The following NEURL3 variants were observed in gnomAD, a reference collection of about 807,000 sequenced individuals.
The protein encoded by NEURL3 is E3 ubiquitin-protein ligase NEURL3.
In NEURL3, 19 loss-of-function variants were observed where a neutral mutation model predicts 17.6. That is an observed-to-expected ratio of 1.08 (90% CI 0.75 to 1.58). The LOEUF (loss-of-function observed/expected upper bound fraction) is 1.58, where lower values mean the gene tolerates loss of function less well. Among genes scored for constraint, NEURL3 ranks in the 40% most tolerant of loss-of-function variants. The pLI is 0.00. For missense variants in NEURL3, 342 were observed against 379.6 expected (o/e 0.90, Z 0.82); for synonymous variants, 180 against 161.4 (o/e 1.11, Z -0.87).
chr2:96,499,346 G>T (rs956537983), intron 3 of NEURL3, 32 bp downstream of exon 3: 3 of 1,595,580 alleles, frequency 1.9e-6, no homozygotes, highest in Non-Finnish European at 2.5e-6. Context: ...CTGGATTCCC[G>T]GGGAGTCCCT....
Position 96,500,779 on chromosome 2 carries a change from G to T in NEURL3, c.174C>A (p.Gly58=). The change falls in exon 2 of 4, where the codon GGC becomes GGA. Residue 58 remains glycine, a synonymous_variant. Coordinates refer to ENST00000451794, the MANE Select transcript of NEURL3 (RefSeq NM_001285485.2). The part of the protein sequence containing the change: ...IVFSQRPVRL[G]ERVALRVLRE... ...GCAGCACTCGCAGCGCCACACGCTC[G>T]CCCAGGCGCACCGGCCGCTGGCTGA... 1 of 1,526,200 alleles carries T rather than the reference G, an allele frequency of 6.6e-7. No individual in the cohort carries two copies. Among genetic ancestry groups the T allele is most frequent in the African/African-American group, 1.4e-5 (1 of 72,088 alleles). The allele number at this position is 1,526,200 out of a possible 1,614,324, so 94.5% of individuals were successfully genotyped here. A position where few individuals can be genotyped will look rare whatever the true frequency, so the allele number is the denominator to read the frequency against.
intron 3 of NEURL3, chr2:96,499,062 G>T: frequency 1.4e-6 from 1 of 738,144 alleles, no homozygotes; most frequent in Non-Finnish European, 1.9e-6. Context: ...ACAGGTGTGA[G>T]CCACTGCACC....
intron 1 of NEURL3, among the ~76,000 whole-genome samples, chr2:96,503,223 T>G (rs1236423660): frequency 6.6e-6 from 1 of 151,998 alleles, no homozygotes; most frequent in Non-Finnish European, 1.5e-5. Flanking sequence ...GCCTTGAGGG[T>G]GCATGAGGCC....
upstream of NEURL3, among the ~76,000 whole-genome samples, chr2:96,505,620 T>C (rs780213126): frequency 6.6e-6 from 1 of 152,330 alleles, no homozygotes; most frequent in Non-Finnish European, 1.5e-5. Context: ...GGTCCAAGCA[T>C]GTTAATAAAT....
At position 96,500,503 on chromosome 2, in the gene NEURL3, G is replaced by T. The variant is rs748840126; in HGVS notation, c.450C>A (p.Pro150=). 1 of 1,592,350 alleles carries T rather than the reference G, an allele frequency of 6.3e-7. No individual in the cohort carries two copies. The highest frequency in any genetic ancestry group is 1.1e-5 in the South Asian group (1 of 89,928). ...GCRLLLREGV[P]VGAPLWAVMD... ...TCACGGCCCAGAGCGGGGCGCCGAC[G>T]GGCACGCCCTCACGCAGCAGGAGCC... The change falls in exon 2 of 4, where the codon CCC becomes CCA. Residue 150 remains proline, a synonymous_variant. Transcript: ENST00000451794.
At chr2:96,506,449 C>A (rs2065561407), upstream of NEURL3, among the ~76,000 whole-genome samples, 1 of 152,238 alleles carries the variant, frequency 6.6e-6, no homozygotes, top group Non-Finnish European at 1.5e-5. Flanking sequence ...AGCAGTCCCC[C>A]CATCTTGGCA....
At chr2:96,505,140 C>T in intron 1 of NEURL3, 119 bp downstream of exon 1, 2 of 1,222,872 alleles carry the variant, frequency 1.6e-6, no homozygotes, top group African/African-American at 1.5e-5. Flanking sequence ...TGGGACCCCA[C>T]CAGCCCCCTA....
Position 96,498,541 on chromosome 2 carries a change from G to T in NEURL3, c.587-95C>A. 1 of 1,143,798 alleles carries T rather than the reference G, an allele frequency of 8.7e-7. No individual in the cohort carries two copies. Among genetic ancestry groups the T allele is most frequent in the Non-Finnish European group, 1.2e-6 (1 of 824,054 alleles). The allele number at this position is 1,143,798 out of a possible 1,614,324, so 70.9% of individuals were successfully genotyped here. Reference sequence around the variant, plus strand: ...ACAGAGAATGACAGAGAAACATGTAGCTATATTTTGAAGAATGTTACCTAG... The same window carrying T: ...ACAGAGAATGACAGAGAAACATGTATCTATATTTTGAAGAATGTTACCTAG... On this transcript the variant is annotated intron_variant, in intron 3 of 3. Transcript: ENST00000451794. The surrounding 1 kb of genome is among the most constrained non-coding windows in gnomAD (Gnocchi z 4.4).
Position 96,500,746 on chromosome 2 carries a change from C to T in NEURL3, c.207G>A (p.Glu69=), listed in dbSNP as rs937697692. ...ERVALRVLRE[E]SGWCGGLRVG... is the part of the protein sequence containing the mutation. ...CGCGGAGGCCGCCGCACCAGCCGCT[C>T]TCCTCCCGCAGCACTCGCAGCGCCA... The change falls in exon 2 of 4, where the codon GAG becomes GAA. Residue 69 remains glutamate (E), a synonymous_variant. Coordinates refer to ENST00000451794, the MANE Select transcript of NEURL3 (RefSeq NM_001285485.2). 1.3e-6 allele frequency: 2 copies of T among 1,521,512 alleles called. No homozygotes were observed. The highest frequency in any genetic ancestry group is 1.4e-5 in the African/African-American group (1 of 71,502). The allele number at this position is 1,521,512 out of a possible 1,614,324, so 94.3% of individuals were successfully genotyped here.
At position 96,497,720 on chromosome 2, in the gene NEURL3, T is replaced by C. The variant is rs1159331991; in HGVS notation, c.*524A>G. ...TTACCACAGTGACAACAATACACTT[T>C]CATGTTTTAAATCATCTTCAGATGC... On this transcript the variant is annotated 3_prime_UTR_variant, in exon 4 of 4. Transcript: ENST00000451794. The C allele has an allele frequency of 2.0e-5, 3 of 152,888 alleles. No individual in the cohort carries two copies. The highest frequency in any genetic ancestry group is 7.2e-5 in the African/African-American group (3 of 41,482). 9.5% of individuals were successfully genotyped at this position (152,888 alleles called of 1,614,324 possible).
At chr2:96,500,299 C>A (rs2065488842) in intron 2 of NEURL3, 140 bp downstream of exon 2, 1 of 1,270,786 alleles carries the variant, frequency 7.9e-7, no homozygotes, top group African/African-American at 1.5e-5. Flanking sequence ...CTCCAGTGCC[C>A]ATCTTCACAG....
upstream of NEURL3, chr2:96,505,498 G>T (rs1375781674): frequency 1.7e-6 from 1 of 605,730 alleles, no homozygotes. Context: ...TGACCTGCTG[G>T]AGCTGGCCGG....
At chr2:96,499,260 C>A (rs941284313) in intron 3 of NEURL3, 118 bp downstream of exon 3, 1 of 1,473,812 alleles carries the variant, frequency 6.8e-7, no homozygotes, top group African/African-American at 1.4e-5. Context: ...AGAGCCAAAT[C>A]TTTTGGCCCA....
At chr2:96,505,190 A>C in intron 1 of NEURL3, 69 bp downstream of exon 1, 1 of 1,569,204 alleles carries the variant, frequency 6.4e-7, no homozygotes, top group South Asian at 1.1e-5. Context: ...GCAATGACAC[A>C]GAGCACCCTC....
chr2:96,507,221 A>G (rs551683905), upstream of NEURL3, among the ~76,000 whole-genome samples: 2 of 152,240 alleles, frequency 1.3e-5, no homozygotes, highest in East Asian at 1.9e-4. Flanking sequence ...CCTTTAGCCA[A>G]TCACTTCTCC....
At position 96,500,607 on chromosome 2, in the gene NEURL3, A is replaced by C. The variant is rs778706480; in HGVS notation, c.346T>G (p.Cys116Gly). 22 of 1,525,484 alleles carry C rather than the reference A, an allele frequency of 1.4e-5. No individual in the cohort carries two copies. Among genetic ancestry groups the C allele is most frequent in the Middle Eastern group, 1.7e-4 (1 of 5,940 alleles). 94.5% of individuals were successfully genotyped at this position (1,525,484 alleles called of 1,614,324 possible). ...CGGACCAAGTCCCCAGTGAGCGCGC[A>C]GCCCTCAGGCAGCACGGCCGCCCAC... is the stretch of plus-strand genomic sequence containing the variant. ...PTWAAVLPEG[C>G]ALTGDLVRFW... Residue 116 changes from cysteine (C) to glycine (G), a missense_variant, in exon 2 of 4, where the codon TGC becomes GGC. Coordinates refer to ENST00000451794, the MANE Select transcript of NEURL3 (RefSeq NM_001285485.2).
chr2:96,499,473 G>A (rs774210783), intron 2 of NEURL3, 24 bp from the exon 3 acceptor site: 2 of 1,597,362 alleles, frequency 1.3e-6, no homozygotes, highest in Non-Finnish European at 8.5e-7. Flanking sequence ...AGAAACTCAG[G>A]TCCAGGACGG....
At chr2:96,503,784 C>T (rs2065533774) in intron 1 of NEURL3, among the ~76,000 whole-genome samples, 1 of 152,200 alleles carries the variant, frequency 6.6e-6, no homozygotes, top group Non-Finnish European at 1.5e-5. Context: ...CCCAGGCAGC[C>T]CGGGACACCC....
upstream of NEURL3, chr2:96,505,449 T>G: frequency 1.5e-6 from 1 of 675,502 alleles, no homozygotes; most frequent in Non-Finnish European, 2.5e-6. Context: ...TGTTACTATA[T>G]CCAGGGGATT....
Sources: gnomAD v4.1 joint callset for allele counts (sites outside exome capture counted in the v4.1 genomes callset) on GRCh38, gnomAD v4.1.1 for gene constraint, Gnocchi (gnomAD v3.1) non-coding constraint, MANE v1.5 for transcripts, NCBI Gene and HGNC (gene_info 2026-07-23, HGNC 2026-07-21) for gene names.